TNFAIP8: variants seen among roughly 807,000 people sequenced by gnomAD.
TNFAIP8 encodes the protein tumor necrosis factor alpha-induced protein 8.
A neutral mutation model predicts 13.3 loss-of-function variants in TNFAIP8; 7 were observed. The observed-to-expected ratio is 0.52, with a 90% CI of 0.30 to 0.99. The LOEUF (loss-of-function observed/expected upper bound fraction) is 0.99, where lower values mean the gene tolerates loss of function less well. Among genes scored for constraint, TNFAIP8 ranks in the 50% least tolerant of loss-of-function variants. The pLI, the probability that TNFAIP8 is intolerant of heterozygous loss-of-function variation, is 0.07. For missense variants in TNFAIP8, 258 were observed against 236.9 expected (o/e 1.09, Z -0.58); for synonymous variants, 94 against 87.6 (o/e 1.07, Z -0.41).
chr5:119,272,529 CAAAA>C (rs2150798586), intron 1 of TNFAIP8, among the ~76,000 whole-genome samples: 1 of 152,290 alleles, frequency 6.6e-6, no homozygotes, highest in South Asian at 2.1e-4. Flanking sequence ...ATAAGAAACT[CAAAA>C]GAAGCACATT....
chr5:119,329,111 T>C (rs1296253416), intron 1 of TNFAIP8, among the ~76,000 whole-genome samples: 1 of 152,262 alleles, frequency 6.6e-6, no homozygotes, highest in African/African-American at 2.4e-5. Flanking sequence ...TGCTCACAGC[T>C]AGTGGTGGGA....
At chr5:119,319,314 T>C (rs957098763) in intron 1 of TNFAIP8, among the ~76,000 whole-genome samples, 7 of 152,238 alleles carry the variant, frequency 4.6e-5, no homozygotes, top group African/African-American at 7.2e-5. Flanking sequence ...CGTTTGGATA[T>C]GTAAACATTT....
At chr5:119,359,291 G>C (rs1012744797) in intron 1 of TNFAIP8, among the ~76,000 whole-genome samples, 2 of 152,030 alleles carry the variant, frequency 1.3e-5, no homozygotes, top group Non-Finnish European at 2.9e-5. Context: ...CTCTCCACCT[G>C]ACCTCCTTTT....
chr5:119,385,219 GCAC>G (rs1000578736), intron 1 of TNFAIP8, among the ~76,000 whole-genome samples: 2 of 152,114 alleles, frequency 1.3e-5, no homozygotes, highest in Admixed American at 1.3e-4. Context: ...CAAATAAATT[GCAC>G]CCAAGTTTAC....
chr5:119,297,316 C>G (rs1402372304), intron 1 of TNFAIP8, among the ~76,000 whole-genome samples: 1 of 151,992 alleles, frequency 6.6e-6, no homozygotes, highest in Non-Finnish European at 1.5e-5. Flanking sequence ...TCTTTGTTCT[C>G]GTTGGTTTCA....
chr5:119,299,943 G>A (rs796948217), intron 1 of TNFAIP8, among the ~76,000 whole-genome samples: 27 of 152,340 alleles, frequency 1.8e-4, no homozygotes, highest in African/African-American at 6.3e-4. Context: ...TTGGTGCACC[G>A]TTTTTTAGGC....
chr5:119,308,993 G>A (rs902686353), intron 1 of TNFAIP8, among the ~76,000 whole-genome samples: 30 of 152,166 alleles, frequency 2.0e-4, no homozygotes, highest in African/African-American at 7.2e-4. Flanking sequence ...AAGCAGTTGT[G>A]CATGTATGTG....
intron 1 of TNFAIP8, among the ~76,000 whole-genome samples, chr5:119,289,185 C>T (rs1392890486): frequency 6.6e-6 from 1 of 152,186 alleles, no homozygotes; most frequent in Non-Finnish European, 1.5e-5. Flanking sequence ...TTATTGTATA[C>T]AATCAAATCT....
intron 1 of TNFAIP8, chr5:119,316,066 G>A (rs1027521090): frequency 6.6e-6 from 1 of 151,866 alleles, no homozygotes; most frequent in African/African-American, 2.4e-5. Flanking sequence ...TGTTAAAGCT[G>A]AAATAAATTT....
intron 1 of TNFAIP8, among the ~76,000 whole-genome samples, chr5:119,290,257 A>T (rs1748939998): frequency 6.6e-6 from 1 of 151,816 alleles, no homozygotes; most frequent in African/African-American, 2.4e-5. Flanking sequence ...GTGGGTCAGG[A>T]ATTTGAGAGC....
intron 1 of TNFAIP8, among the ~76,000 whole-genome samples, chr5:119,370,942 C>T (rs1337196176): frequency 6.6e-6 from 1 of 152,140 alleles, no homozygotes; most frequent in East Asian, 1.9e-4. Context: ...CTGTAGCTTG[C>T]TTTTTTGCCT....
At chr5:119,373,230 T>C (rs976073692) in intron 1 of TNFAIP8, among the ~76,000 whole-genome samples, 1 of 152,128 alleles carries the variant, frequency 6.6e-6, no homozygotes, top group Non-Finnish European at 1.5e-5. Flanking sequence ...GTGGGATAGC[T>C]CTTGTTAGTA....
intron 1 of TNFAIP8, among the ~76,000 whole-genome samples, chr5:119,320,827 G>T (rs1271404703): frequency 6.6e-6 from 1 of 151,774 alleles, no homozygotes; most frequent in East Asian, 1.9e-4. Context: ...AATTGCCCCA[G>T]GGCTTAGTCC....
chr5:119,289,784 C>T (rs1048900792), intron 1 of TNFAIP8, among the ~76,000 whole-genome samples: 2 of 152,122 alleles, frequency 1.3e-5, no homozygotes, highest in Non-Finnish European at 2.9e-5. Flanking sequence ...GAGAAAAGTC[C>T]GAGGTAGAAG....
chr5:119,352,983 C>T, upstream of TNFAIP8, among the ~76,000 whole-genome samples: 1 of 152,208 alleles, frequency 6.6e-6, no homozygotes, highest in Non-Finnish European at 1.5e-5. Context: ...CATTTTCATT[C>T]TTCCATCTTG....
chr5:119,300,614 A>G (rs984632571), intron 1 of TNFAIP8, among the ~76,000 whole-genome samples: 5 of 152,138 alleles, frequency 3.3e-5, no homozygotes, highest in Admixed American at 2.6e-4. Flanking sequence ...CCAGTCTCAT[A>G]ATTAACATTC....
chr5:119,382,396 A>G (rs1450445913), intron 1 of TNFAIP8, among the ~76,000 whole-genome samples: 2 of 152,178 alleles, frequency 1.3e-5, no homozygotes, highest in Admixed American at 1.3e-4. Context: ...CTTTGAAACC[A>G]CAGTATCTTA....
In TNFAIP8 at chr5:119,333,881, G is replaced by A. The variant is rs183141440; in HGVS notation, c.2-58935G>A. Among the ~76,000 whole-genome samples, 3 of 152,268 alleles carry A rather than the reference G, an allele frequency of 2.0e-5. No homozygotes were observed. In the East Asian group the frequency reaches 5.8e-4, roughly 29 times the overall value. On this transcript the variant is annotated intron_variant, in intron 1 of 1. Transcript: ENST00000274456. ...GAAAAATGACATTTAAAGTTTGCAT[G>A]TAGACAGTTTCATTTGTAAACAGAT... is the stretch of plus-strand genomic sequence containing the variant.
At chr5:119,355,260 C>A, upstream of TNFAIP8, 2 of 699,336 alleles carry the variant, frequency 2.9e-6, no homozygotes, top group South Asian at 3.0e-5. Flanking sequence ...GGGAGGGAAC[C>A]GTGCTCTCCC....
Sources: gnomAD v4.1 joint callset for allele counts (sites outside exome capture counted in the v4.1 genomes callset) on GRCh38, gnomAD v4.1.1 for gene constraint, MANE v1.5 for transcripts, NCBI Gene and HGNC (gene_info 2026-07-23, HGNC 2026-07-21) for gene names.